Variants in SLC25A21 observed in about 807,000 individuals in gnomAD.
SLC25A21 encodes mitochondrial 2-oxodicarboxylate carrier.
Under a neutral mutation model 43.8 loss-of-function variants are expected in SLC25A21, and 47 were observed. The ratio of observed to expected loss-of-function variants is 1.07; its 90% CI spans 0.85 to 1.37. SLC25A21 has a LOEUF of 1.37. SLC25A21 is among the 40% of genes most tolerant of loss of function. The pLI is 0.00. For missense variants in SLC25A21, 352 were observed against 350.2 expected (o/e 1.00, Z -0.04); for synonymous variants, 131 against 121.3 (o/e 1.08, Z -0.52).
intron 3 of SLC25A21, among the ~76,000 whole-genome samples, chr14:36,756,210 G>T (rs1363777405): frequency 6.6e-6 from 1 of 152,188 alleles, no homozygotes; most frequent in East Asian, 1.9e-4. Flanking sequence ...GGGAAGCGGG[G>T]GCAGCTGAGG....
intron 1 of SLC25A21, among the ~76,000 whole-genome samples, chr14:36,982,247 C>G (rs1449895383): frequency 6.6e-6 from 1 of 152,192 alleles, no homozygotes; most frequent in African/African-American, 2.4e-5. Flanking sequence ...GAAGTTATTT[C>G]AAAATATTCC....
chr14:37,020,374 A>G (rs1232839170), intron 1 of SLC25A21, among the ~76,000 whole-genome samples: 1 of 151,876 alleles, frequency 6.6e-6, no homozygotes, highest in Non-Finnish European at 1.5e-5. Context: ...AAAATACATG[A>G]AACTTAGTAT....
At chr14:36,886,913 T>C (rs984836067) in intron 1 of SLC25A21, among the ~76,000 whole-genome samples, 10 of 152,180 alleles carry the variant, frequency 6.6e-5, no homozygotes, top group Non-Finnish European at 1.5e-5. Flanking sequence ...AATTTTCAGA[T>C]GTGTTGGTCT....
intron 3 of SLC25A21, among the ~76,000 whole-genome samples, chr14:36,743,943 C>T (rs1216769207): frequency 6.6e-6 from 1 of 151,924 alleles, no homozygotes; most frequent in East Asian, 1.9e-4. Flanking sequence ...CATAAAATAC[C>T]TAGGAATATA....
chr14:36,701,145 C>T (rs938254219), intron 7 of SLC25A21, among the ~76,000 whole-genome samples: 2 of 152,196 alleles, frequency 1.3e-5, no homozygotes, highest in East Asian at 3.8e-4. Context: ...TTGACAAAAA[C>T]ATTTTCCTCC....
intron 1 of SLC25A21, among the ~76,000 whole-genome samples, chr14:36,895,559 A>T (rs1157360350): frequency 2.0e-5 from 3 of 151,930 alleles, no homozygotes; most frequent in Non-Finnish European, 2.9e-5. Flanking sequence ...CTCTGACCTT[A>T]GTTATTTCTT....
In SLC25A21 at chr14:36,995,608, C is replaced by T. The variant is rs549511259; in HGVS notation, c.71-120604G>A. Among the ~76,000 whole-genome samples the T allele has an allele frequency of 2.6e-5, 4 of 152,302 alleles. No homozygotes were observed. In the South Asian group the frequency reaches 8.3e-4, roughly 32 times the overall value. On this transcript the variant is annotated intron_variant, in intron 1 of 9. Coordinates refer to ENST00000331299, the MANE Select transcript of SLC25A21 (RefSeq NM_030631.4). Reference sequence around the variant, plus strand: ...CGATGGGAAAGTCTAATGTTAAAAACTTTCCACTTGTCATTGCCCAAGTTA... The same window carrying T: ...CGATGGGAAAGTCTAATGTTAAAAATTTTCCACTTGTCATTGCCCAAGTTA...
At chr14:36,980,825 G>A (rs1439334279) in intron 1 of SLC25A21, among the ~76,000 whole-genome samples, 1 of 152,174 alleles carries the variant, frequency 6.6e-6, no homozygotes, top group Non-Finnish European at 1.5e-5. Flanking sequence ...GGCAACAAAA[G>A]CCAAATTGAC....
rs1238882320 is a variant in SLC25A21, at chr14:36,779,634, ATATATATATG to A, written c.203+34274_203+34283del. Among the ~76,000 whole-genome samples, 43 of 131,430 alleles carry A rather than the reference ATATATATATG, an allele frequency of 3.3e-4. 2 individuals carry two copies. The Middle Eastern group carries it at 0.016, about 50-fold the overall frequency. 86.2% of individuals were successfully genotyped at this position (131,430 alleles called of 152,430 possible). On this transcript the variant is annotated intron_variant, in intron 3 of 9. Transcript: ENST00000331299. ...CATATATATATATATATATATATAT[ATATATATATG>A]TATACATACACACATACAAACACAC...
chr14:36,730,146 A>C (rs1403024983), intron 4 of SLC25A21, among the ~76,000 whole-genome samples: 2 of 152,218 alleles, frequency 1.3e-5, no homozygotes, highest in Non-Finnish European at 2.9e-5. Flanking sequence ...CCTCAACCTG[A>C]ATGAAGAAAG....
rs868520165 is a variant in SLC25A21, at chr14:37,167,838, C to G, written c.70+4443G>C. On this transcript the variant is annotated intron_variant, in intron 1 of 9. Coordinates refer to ENST00000331299, the MANE Select transcript of SLC25A21 (RefSeq NM_030631.4). ...GACTCAGCATAAGACAGCTTCGACTCCCTATGATTTCATCTCCGACCTGAC... is the reference window on the plus strand; with the variant it reads ...GACTCAGCATAAGACAGCTTCGACTGCCTATGATTTCATCTCCGACCTGAC... Among the ~76,000 whole-genome samples, 19 of 151,714 alleles carry G rather than the reference C, an allele frequency of 1.3e-4. No homozygotes were observed. The Middle Eastern group carries it at 0.017, about 137-fold the overall frequency.
intron 1 of SLC25A21, among the ~76,000 whole-genome samples, chr14:37,134,527 C>A (rs1184811088): frequency 6.6e-6 from 1 of 151,820 alleles, no homozygotes; most frequent in East Asian, 1.9e-4. Flanking sequence ...CGCCTATTAT[C>A]CCAGCTACTT....
At chr14:36,860,602 T>C (rs1890039383) in intron 2 of SLC25A21, among the ~76,000 whole-genome samples, 1 of 152,240 alleles carries the variant, frequency 6.6e-6, no homozygotes, top group African/African-American at 2.4e-5. Context: ...TCTGCTCACC[T>C]GACCTTTCCA....
chr14:36,976,659 G>A (rs1015843404), intron 1 of SLC25A21, among the ~76,000 whole-genome samples: 6 of 152,154 alleles, frequency 3.9e-5, no homozygotes, highest in African/African-American at 1.4e-4. Context: ...TCACCCAAGC[G>A]GCAAGGCTGA....
intron 1 of SLC25A21, among the ~76,000 whole-genome samples, chr14:37,118,115 GATGTA>G (rs1774600183): frequency 1.3e-5 from 2 of 152,046 alleles, no homozygotes; most frequent in African/African-American, 2.4e-5. Context: ...CTAACGTACA[GATGTA>G]ATGGATTACC....
intron 1 of SLC25A21, among the ~76,000 whole-genome samples, chr14:37,128,631 AGAATGTAGTG>A (rs1963340838): frequency 6.6e-6 from 1 of 150,516 alleles, no homozygotes; most frequent in Non-Finnish European, 1.5e-5. Flanking sequence ...TGCCCAGGCT[AGAATGTAGTG>A]GTGTGATCAT....
intron 1 of SLC25A21, among the ~76,000 whole-genome samples, chr14:37,146,226 C>G (rs564410553): frequency 6.6e-6 from 1 of 152,286 alleles, no homozygotes; most frequent in South Asian, 2.1e-4. Flanking sequence ...GCCAGGTTAT[C>G]TTTTAGGCAC....
chr14:36,815,484 G>A (rs1028544362), intron 2 of SLC25A21, among the ~76,000 whole-genome samples: 3 of 152,242 alleles, frequency 2.0e-5, no homozygotes, highest in Non-Finnish European at 2.9e-5. Context: ...ATCGCTACTC[G>A]GTGATGGAAC....
chr14:36,813,804 A>C, intron 3 of SLC25A21, 114 bp downstream of exon 3: 1 of 706,510 alleles, frequency 1.4e-6, no homozygotes, highest in East Asian at 2.8e-5. Flanking sequence ...CAAAGTAGAA[A>C]GGTACCCTTT....
Sources: gnomAD v4.1 joint callset for allele counts (sites outside exome capture counted in the v4.1 genomes callset) on GRCh38, gnomAD v4.1.1 for gene constraint, MANE v1.5 for transcripts, NCBI Gene and HGNC (gene_info 2026-07-23, HGNC 2026-07-21) for gene names.